The following LRP6 variants were observed in gnomAD, a reference collection of about 807,000 sequenced individuals.
LRP6 encodes low-density lipoprotein receptor-related protein 6.
Under a neutral mutation model 184.1 loss-of-function variants are expected in LRP6, and 43 were observed. The ratio of observed to expected loss-of-function variants is 0.23; its 90% CI spans 0.18 to 0.30. LRP6 has a LOEUF of 0.30. LRP6 is among the 10% of genes least tolerant of loss of function. The pLI is 1.00. For synonymous variants in LRP6, 719 were observed against 684.9 expected (o/e 1.05, Z -0.78); for missense variants, 1,571 against 2,005.3 (o/e 0.78, Z 4.14).
At chr12:12,243,760 A>C (rs1865119165) in intron 2 of LRP6, among the ~76,000 whole-genome samples, 1 of 152,088 alleles carries the variant, frequency 6.6e-6, no homozygotes, top group Non-Finnish European at 1.5e-5. Context: ...TACAAAAAAA[A>C]ATTTTTTTGA....
chr12:12,252,178 C>A (rs1305785329), intron 1 of LRP6, among the ~76,000 whole-genome samples: 2 of 152,190 alleles, frequency 1.3e-5, no homozygotes, highest in Non-Finnish European at 2.9e-5. Flanking sequence ...GGCCACCGCA[C>A]TGAACTAAAA....
chr12:12,256,218 T>TA (rs1482806253), intron 1 of LRP6, among the ~76,000 whole-genome samples: 15 of 152,288 alleles, frequency 9.8e-5, no homozygotes, highest in Admixed American at 7.2e-4. Flanking sequence ...AAACACGAGA[T>TA]ACTGGTAAAC....
chr12:12,151,047 G>A lies in LRP6; in HGVS notation c.2792-9C>T, dbSNP rs958275603. The A allele has an allele frequency of 3.1e-6, 5 of 1,609,190 alleles. No homozygotes were observed. The East Asian group carries it at 1.1e-4, about 36-fold the overall frequency. On this transcript the variant is annotated splice_polypyrimidine_tract_variant and intron_variant, in intron 12 of 22. Coordinates refer to ENST00000261349, the MANE Select transcript of LRP6 (RefSeq NM_002336.3). ...CAGGAAAGTCGTAGGAGCTTAAAAG[G>A]AAGAAAAGAGAAAATCTGAAATCTA... is the stretch of plus-strand genomic sequence containing the variant.
chr12:12,129,285 T>A (rs1033934721), intron 19 of LRP6, among the ~76,000 whole-genome samples: 3 of 152,144 alleles, frequency 2.0e-5, no homozygotes, highest in African/African-American at 7.2e-5. Flanking sequence ...TTTCTTGAAA[T>A]TTTCAGTGAC....
At chr12:12,190,911 T>C (rs563359192) in intron 3 of LRP6, among the ~76,000 whole-genome samples, 10 of 152,246 alleles carry the variant, frequency 6.6e-5, no homozygotes, top group South Asian at 2.1e-4. Flanking sequence ...AACTAGGTAA[T>C]GAACCCCAAA....
Position 12,257,779 on chromosome 12 carries a change from C to CAAA in LRP6, c.55+8899_55+8901dup, listed in dbSNP as rs1163180718. On this transcript the variant is annotated intron_variant, in intron 1 of 22. Transcript: ENST00000261349. ...GCAACATAGTAAGACCCTGTCTCTA[C>CAAA]AAAAAAAAAAAAAAAAAAAAAAAAA... Among the ~76,000 whole-genome samples, 173 of 35,230 alleles carry CAAA rather than the reference C, an allele frequency of 4.9e-3. 6 individuals carry two copies. Among genetic ancestry groups the CAAA allele is most frequent in the African/African-American group, 6.4e-3 (58 of 9,070 alleles). The allele number at this position is 35,230 out of a possible 152,430, so 23.1% of individuals were successfully genotyped here.
At chr12:12,220,045 A>C (rs1591959469) in intron 2 of LRP6, among the ~76,000 whole-genome samples, 2 of 152,064 alleles carry the variant, frequency 1.3e-5, no homozygotes, top group Non-Finnish European at 2.9e-5. Flanking sequence ...CCACCACTTT[A>C]GGAGGCTGAG....
At chr12:12,187,462 C>T (rs533766250) in intron 3 of LRP6, 17 of 344,290 alleles carry the variant, frequency 4.9e-5, no homozygotes, top group African/African-American at 3.4e-4. Flanking sequence ...GGACTCACAG[C>T]TTCCACCCTT....
intron 2 of LRP6, among the ~76,000 whole-genome samples, chr12:12,234,287 CA>C (rs552408054): frequency 1.3e-3 from 181 of 140,554 alleles, no homozygotes; most frequent in Middle Eastern, 3.6e-3. Context: ...AACTCCATCT[CA>C]AAAAAAAAAA....
chr12:12,219,016 T>A, intron 2 of LRP6, among the ~76,000 whole-genome samples: 1 of 151,650 alleles, frequency 6.6e-6, no homozygotes, highest in Non-Finnish European at 1.5e-5. Context: ...AGGCGGGTGA[T>A]CACCTGAGGT....
In LRP6 at chr12:12,159,827, T is replaced by C. The variant is rs1459717857; in HGVS notation, c.2417A>G (p.Tyr806Cys). ...TAAGTTGGTGTCCAGGTCTGTCCAATAAAGCCTCCTTTTAGCATAATCAAT... is the reference window on the plus strand; with the variant it reads ...TAAGTTGGTGTCCAGGTCTGTCCAACAAAGCCTCCTTTTAGCATAATCAAT... ...LTIDYAKRRL[Y>C]WTDLDTNLIE... Residue 806 changes from tyrosine to cysteine, a missense_variant, in exon 11 of 23, where the codon TAT becomes TGT. This residue lies in a region of LRP6 where 158 missense variants were observed against 258.4 expected (regional missense o/e 0.61). Transcript: ENST00000261349. 1 of 1,614,148 alleles carries C rather than the reference T, an allele frequency of 6.2e-7. No homozygotes were observed. Among genetic ancestry groups the C allele is most frequent in the Non-Finnish European group, 8.5e-7 (1 of 1,179,994 alleles).
intron 3 of LRP6, among the ~76,000 whole-genome samples, chr12:12,201,270 T>A (rs141611636): frequency 6.6e-6 from 1 of 152,320 alleles, no homozygotes; most frequent in African/African-American, 2.4e-5. Flanking sequence ...TTAATCAGTG[T>A]GGTGCTCTGT....
intron 21 of LRP6, 126 bp downstream of exon 21, chr12:12,125,169 CT>C: frequency 9.2e-7 from 1 of 1,088,944 alleles, no homozygotes; most frequent in Non-Finnish European, 1.4e-6. Context: ...TCCTTTGAGC[CT>C]TTTATGCCTA....
At chr12:12,235,665 G>A (rs1356816876) in intron 2 of LRP6, among the ~76,000 whole-genome samples, 2 of 152,006 alleles carry the variant, frequency 1.3e-5, no homozygotes, top group Non-Finnish European at 2.9e-5. Flanking sequence ...GGGAGGTGGA[G>A]GTTGCAGTGA....
chr12:12,124,672 A>G lies in LRP6; in HGVS notation c.4450-10T>C, dbSNP rs541580436. 1 of 1,495,432 alleles carries G rather than the reference A, an allele frequency of 6.7e-7. No individual in the cohort carries two copies. Among genetic ancestry groups the G allele is most frequent in the East Asian group, 2.3e-5 (1 of 42,582 alleles). 92.6% of individuals were successfully genotyped at this position (1,495,432 alleles called of 1,614,324 possible). ...GTGGAGGGTTCAAAATCTAAAAGAAAAAAATAATTAAAATATTAAAATAAC... is the reference window on the plus strand; with the variant it reads ...GTGGAGGGTTCAAAATCTAAAAGAAGAAAATAATTAAAATATTAAAATAAC... On this transcript the variant is annotated splice_polypyrimidine_tract_variant and intron_variant, in intron 21 of 22. Transcript: ENST00000261349.
At position 12,250,691 on chromosome 12, in the gene LRP6, C is replaced by T. The variant is rs897176515; in HGVS notation, c.56-6036G>A. 9.0e-5 allele frequency among the ~76,000 whole-genome samples: 13 copies of T among 144,688 alleles called. No individual in the cohort carries two copies. The East Asian group carries it at 1.5e-3, about 16-fold the overall frequency. The allele number at this position is 144,688 out of a possible 152,430, so 94.9% of individuals were successfully genotyped here. A position where few individuals can be genotyped will look rare whatever the true frequency, so the allele number is the denominator to read the frequency against. ...AGGCTGGAGTGCAGTGGCACAATCT[C>T]GGCTCACTGCAACCTCCGACTCCCT... On this transcript the variant is annotated intron_variant, in intron 1 of 22. Transcript: ENST00000261349.
At chr12:12,185,010 A>G (rs1863435292) in intron 4 of LRP6, among the ~76,000 whole-genome samples, 1 of 152,112 alleles carries the variant, frequency 6.6e-6, no homozygotes, top group African/African-American at 2.4e-5. Flanking sequence ...AAGAAAAACA[A>G]GAGGCCAGGC....
Position 12,266,847 on chromosome 12 carries a change from C to A in LRP6, c.-112G>T. 1 of 879,656 alleles carries A rather than the reference C, an allele frequency of 1.1e-6. No homozygotes were observed. Among genetic ancestry groups the A allele is most frequent in the South Asian group, 1.4e-5 (1 of 71,418 alleles). 54.5% of individuals were successfully genotyped at this position (879,656 alleles called of 1,614,324 possible). ...AGGGCTGCACGCTCATACTTCCCAG[C>A]TTCCCAGCGAGAGAAGAAAGAAAGG... On this transcript the variant is annotated 5_prime_UTR_variant, in exon 1 of 23. Transcript: ENST00000261349.
intron 7 of LRP6, among the ~76,000 whole-genome samples, chr12:12,173,836 T>C (rs1863107621): frequency 6.6e-6 from 1 of 152,118 alleles, no homozygotes; most frequent in Admixed American, 6.5e-5. Context: ...TGTTATGCGA[T>C]GTACCCCAGA....
Sources: gnomAD v4.1 joint callset for allele counts (sites outside exome capture counted in the v4.1 genomes callset) on GRCh38, gnomAD v4.1.1 for gene constraint, gnomAD v4.1.1 regional missense constraint, MANE v1.5 for transcripts, NCBI Gene and HGNC (gene_info 2026-07-23, HGNC 2026-07-21) for gene names.